The following TRAK2 variants were observed in gnomAD, a reference collection of about 807,000 sequenced individuals.
TRAK2 encodes the protein trafficking kinesin protein 2.
TRAK2 carries 81 observed loss-of-function variants against 104.6 expected under a neutral mutation model. The ratio of observed to expected loss-of-function variants is 0.77; its 90% CI spans 0.65 to 0.93. The LOEUF (loss-of-function observed/expected upper bound fraction) is 0.93, where lower values mean the gene tolerates loss of function less well. Ranked by LOEUF, TRAK2 falls within the 40% of genes least tolerant of loss-of-function variation. TRAK2 has a pLI of 0.00. For missense variants in TRAK2, 1,002 were observed against 1,089.0 expected (o/e 0.92, Z 1.12); for synonymous variants, 406 against 394.4 (o/e 1.03, Z -0.35).
chr2:201,399,327 T>G (rs1265892450), intron 5 of TRAK2, 50 bp downstream of exon 5: 1 of 1,293,074 alleles, frequency 7.7e-7, no homozygotes, highest in African/African-American at 1.5e-5. Context: ...AATTTTCAAT[T>G]GCATAAAACC....
intron 14 of TRAK2, among the ~76,000 whole-genome samples, chr2:201,385,915 C>A (rs1288010169): frequency 6.6e-6 from 1 of 152,056 alleles, no homozygotes; most frequent in African/African-American, 2.4e-5. Flanking sequence ...ATAGATATAA[C>A]CTGCACAGAT....
At chr2:201,432,362 T>C (rs560898180) in intron 1 of TRAK2, among the ~76,000 whole-genome samples, 2 of 152,230 alleles carry the variant, frequency 1.3e-5, no homozygotes, top group African/African-American at 4.8e-5. Flanking sequence ...TGTGCACTTT[T>C]TTCAGGGCCA....
At chr2:201,416,881 G>GA (rs972642082) in intron 2 of TRAK2, among the ~76,000 whole-genome samples, 7 of 151,484 alleles carry the variant, frequency 4.6e-5, no homozygotes, top group African/African-American at 1.7e-4. Context: ...AAGAAAATGA[G>GA]AAAAAAACGG....
chr2:201,413,406 T>G, intron 2 of TRAK2: 4 of 515,096 alleles, frequency 7.8e-6, no homozygotes, highest in Admixed American at 3.5e-5. Context: ...CACAGGCTGT[T>G]CCTGCTCTGC....
chr2:201,379,463 C>A lies in TRAK2; in HGVS notation c.*1080G>T, dbSNP rs1183399435. The A allele has an allele frequency of 6.6e-6, 1 of 152,566 alleles. No individual in the cohort carries two copies. Among genetic ancestry groups the A allele is most frequent in the Non-Finnish European group, 1.5e-5 (1 of 68,020 alleles). The allele number at this position is 152,566 out of a possible 1,614,324, so 9.5% of individuals were successfully genotyped here. The stretch of plus-strand genomic sequence containing the variant: ...TCTCAAAGCAAGCACCCGGGTTTTA[C>A]TTCAGTTTACAATAATTTAATGTGC... On this transcript the variant is annotated 3_prime_UTR_variant, in exon 16 of 16. Transcript: ENST00000332624.
chr2:201,387,809 G>T lies in TRAK2; in HGVS notation c.1590C>A (p.Ser530Arg), dbSNP rs763354950. Residue 530 changes from serine to arginine, a missense_variant, in exon 13 of 16, where the codon AGC becomes AGA. By Grantham distance (110) the Ser-to-Arg change is moderately radical. Coordinates refer to ENST00000332624, the MANE Select transcript of TRAK2 (RefSeq NM_015049.3). The stretch of plus-strand genomic sequence containing the variant: ...ACTGGGTGGTGCAGAGAGAGGCAAG[G>T]CTCTCTGTCGGGGTGACACAGCCAC... Reference protein sequence around the residue: ...GVSGCVTPTESLASLCTTQSE... With the variant: ...GVSGCVTPTERLASLCTTQSE... 2 of 1,614,118 alleles carry T rather than the reference G, an allele frequency of 1.2e-6. No homozygotes were observed. The highest frequency in any genetic ancestry group is 2.2e-5 in the East Asian group (1 of 44,882).
chr2:201,403,374 T>C (rs534221811), intron 3 of TRAK2, among the ~76,000 whole-genome samples: 2 of 152,236 alleles, frequency 1.3e-5, no homozygotes, highest in South Asian at 2.1e-4. Flanking sequence ...GGAATTTTAG[T>C]ATGGAGATGA....
intron 1 of TRAK2, among the ~76,000 whole-genome samples, chr2:201,448,883 T>C (rs1344130094): frequency 6.6e-6 from 1 of 152,154 alleles, no homozygotes; most frequent in Non-Finnish European, 1.5e-5. Context: ...TTATTTTTGG[T>C]AGACATGGGG....
chr2:201,387,996 G>A lies in TRAK2; in HGVS notation c.1403C>T (p.Ser468Phe). Residue 468 changes from serine to phenylalanine, a missense_variant, in exon 13 of 16, where the codon TCC becomes TTC. Physicochemically the swap from Ser to Phe is radical, Grantham distance 155 (BLOSUM62 -2). Coordinates refer to ENST00000332624, the MANE Select transcript of TRAK2 (RefSeq NM_015049.3). ...GSSSEEVAGS[S>F]QKMGQPGPSG... ...GGGTCCTGGTTGGCCCATCTTCTGGGAGCTCCTATAGGAAAATCGCGTTCA... is the reference window on the plus strand; with the variant it reads ...GGGTCCTGGTTGGCCCATCTTCTGGAAGCTCCTATAGGAAAATCGCGTTCA... 2 of 1,614,034 alleles carry A rather than the reference G, an allele frequency of 1.2e-6. No individual in the cohort carries two copies. The highest frequency in any genetic ancestry group is 1.7e-6 in the Non-Finnish European group (2 of 1,179,992).
intron 2 of TRAK2, among the ~76,000 whole-genome samples, chr2:201,416,397 C>A (rs1021067006): frequency 6.6e-6 from 1 of 150,978 alleles, no homozygotes; most frequent in African/African-American, 2.5e-5. Flanking sequence ...CAGAATGAGA[C>A]CCTTTCTCAA....
chr2:201,430,122 C>CA (rs1190182726), intron 1 of TRAK2, among the ~76,000 whole-genome samples: 1 of 152,176 alleles, frequency 6.6e-6, no homozygotes, highest in African/African-American at 2.4e-5. Flanking sequence ...TGGGTATCAC[C>CA]AGCGGGGGCT....
At chr2:201,409,130 T>C (rs1214641657) in intron 2 of TRAK2, among the ~76,000 whole-genome samples, 1 of 152,224 alleles carries the variant, frequency 6.6e-6, no homozygotes, top group Admixed American at 6.5e-5. Context: ...GTAAGTTACC[T>C]AAACTCTAAC....
At chr2:201,434,058 C>T (rs1264994579) in intron 1 of TRAK2, among the ~76,000 whole-genome samples, 3 of 152,010 alleles carry the variant, frequency 2.0e-5, no homozygotes, top group Non-Finnish European at 2.9e-5. Context: ...CCCGGGTTCA[C>T]GCCATTCTCC....
At chr2:201,383,046 T>C (rs1239287509) in intron 15 of TRAK2, among the ~76,000 whole-genome samples, 1 of 152,242 alleles carries the variant, frequency 6.6e-6, no homozygotes, top group East Asian at 1.9e-4. Context: ...AACACATCAG[T>C]AACTGTACAC....
At chr2:201,427,521 A>G (rs1239574042) in intron 1 of TRAK2, among the ~76,000 whole-genome samples, 1 of 152,182 alleles carries the variant, frequency 6.6e-6, no homozygotes, top group Non-Finnish European at 1.5e-5. Flanking sequence ...TTATGGTTGC[A>G]TAGTATTCCA....
chr2:201,385,507 T>A lies in TRAK2; in HGVS notation c.1963+711A>T, dbSNP rs1329530074. 2.0e-5 allele frequency among the ~76,000 whole-genome samples: 3 copies of A among 152,128 alleles called. No individual in the cohort carries two copies. The East Asian group carries it at 5.8e-4, about 29-fold the overall frequency. On this transcript the variant is annotated intron_variant, in intron 14 of 15. Coordinates refer to ENST00000332624, the MANE Select transcript of TRAK2 (RefSeq NM_015049.3). ...ATGCATTTTAATGTTAACAAAGTAATGAAAAGTTCATTGTTAGGGTTTCAG... is the reference window on the plus strand; with the variant it reads ...ATGCATTTTAATGTTAACAAAGTAAAGAAAAGTTCATTGTTAGGGTTTCAG...
chr2:201,416,854 TAA>T (rs912219524), intron 2 of TRAK2, among the ~76,000 whole-genome samples: 1 of 150,064 alleles, frequency 6.7e-6, no homozygotes, highest in African/African-American at 2.5e-5. Context: ...AGAATTAAAA[TAA>T]AAAAAGTTTA....
chr2:201,434,571 T>C (rs1951868058), intron 1 of TRAK2, among the ~76,000 whole-genome samples: 1 of 152,054 alleles, frequency 6.6e-6, no homozygotes, highest in Non-Finnish European at 1.5e-5. Context: ...TTTCAAAGGA[T>C]TTATAAGACC....
At chr2:201,441,784 C>A (rs1004464723) in intron 1 of TRAK2, among the ~76,000 whole-genome samples, 1 of 151,356 alleles carries the variant, frequency 6.6e-6, no homozygotes, top group Non-Finnish European at 1.5e-5. Context: ...CTCCGTCTCC[C>A]GGGTTTAAGC....
Sources: gnomAD v4.1 joint callset for allele counts (sites outside exome capture counted in the v4.1 genomes callset) on GRCh38, gnomAD v4.1.1 for gene constraint, MANE v1.5 for transcripts, NCBI Gene and HGNC (gene_info 2026-07-23, HGNC 2026-07-21) for gene names.